Variants in TNFSF11 observed in about 807,000 individuals in gnomAD.
TNFSF11 encodes tumor necrosis factor ligand superfamily member 11.
A neutral mutation model predicts 32.2 loss-of-function variants in TNFSF11; 12 were observed. The ratio of observed to expected loss-of-function variants is 0.37; its 90% CI spans 0.24 to 0.60. The LOEUF is 0.60. Among genes scored for constraint, TNFSF11 ranks in the 20% least tolerant of loss-of-function variants. The pLI is 0.66. For synonymous variants in TNFSF11, 172 were observed against 152.1 expected, an observed-to-expected ratio of 1.13 and a Z score of -0.96; for missense variants, 345 against 398.0, an observed-to-expected ratio of 0.87 and a Z score of 1.13.
At chr13:42,598,012 T>A (rs186194393) in intron 2 of TNFSF11, among the ~76,000 whole-genome samples, 11 of 152,198 alleles carry the variant, frequency 7.2e-5, no homozygotes, top group East Asian at 1.9e-4. Flanking sequence ...CAGCTAATTT[T>A]AAAAAATTAA....
At chr13:42,569,031 G>A (rs1000656051) in intron 2 of TNFSF11, among the ~76,000 whole-genome samples, 2 of 152,120 alleles carry the variant, frequency 1.3e-5, no homozygotes, top group Admixed American at 1.3e-4. Flanking sequence ...GGATGGTAAG[G>A]AACCCAGGGG....
chr13:42,572,008 A>G (rs367912633), upstream of TNFSF11, among the ~76,000 whole-genome samples: 62 of 152,344 alleles, frequency 4.1e-4, no homozygotes, highest in African/African-American at 1.4e-3. Context: ...GAGTTTATCT[A>G]TTAGTTGGGG....
chr13:42,596,081 G>A (rs113621016), intron 2 of TNFSF11, among the ~76,000 whole-genome samples: 2,571 of 152,244 alleles, frequency 0.017, 63 homozygotes, highest in African/African-American at 0.058. Context: ...ATATTAGGGG[G>A]CTATCAAAAG....
intron 2 of TNFSF11, among the ~76,000 whole-genome samples, chr13:42,583,417 T>TAAA (rs71747752): frequency 8.1e-5 from 2 of 24,644 alleles, no homozygotes; most frequent in Non-Finnish European, 1.4e-4. Context: ...AAGACCCTGC[T>TAAA]AAAAAAAAAA....
chr13:42,600,667 G>A, intron 2 of TNFSF11, 85 bp from the exon 3 acceptor site: 2 of 1,392,126 alleles, frequency 1.4e-6, no homozygotes, highest in Middle Eastern at 2.3e-4. Flanking sequence ...GGGTTAATTT[G>A]TTGCATATGT....
intron 1 of TNFSF11, among the ~76,000 whole-genome samples, chr13:42,564,171 A>G (rs1024238278): frequency 6.6e-6 from 1 of 152,096 alleles, no homozygotes; most frequent in African/African-American, 2.4e-5. Context: ...CCACATGCTT[A>G]TTTTTAAAAA....
intron 4 of TNFSF11, among the ~76,000 whole-genome samples, chr13:42,602,531 T>A (rs1315628951): frequency 6.6e-6 from 1 of 152,204 alleles, no homozygotes; most frequent in East Asian, 1.9e-4. Flanking sequence ...ATTCTTTGGC[T>A]TTTAGAGGAT....
chr13:42,565,491 C>A (rs1872838492), intron 1 of TNFSF11, among the ~76,000 whole-genome samples: 1 of 151,974 alleles, frequency 6.6e-6, no homozygotes, highest in Admixed American at 6.6e-5. Flanking sequence ...ATCTCTTATG[C>A]CTACCATAGT....
rs970507560 is a variant in TNFSF11, at chr13:42,606,878, C to A, written c.914C>A (p.Ala305Glu). The A allele has an allele frequency of 1.9e-6, 3 of 1,614,032 alleles. No homozygotes were observed. The highest frequency in any genetic ancestry group is 2.5e-6 in the Non-Finnish European group (3 of 1,180,030). Residue 305 changes from alanine to glutamate, a missense_variant, in exon 5 of 5, where the codon GCA (alanine) becomes GAA (glutamate). By Grantham distance (107) the Ala-to-Glu change is moderately radical. Around this residue, in one of 2 missense-constraint regions of TNFSF11, gnomAD observed 148 missense variants for 216.0 expected, o/e 0.69. Coordinates refer to ENST00000398795, the MANE Select transcript of TNFSF11 (RefSeq NM_003701.4). ...TCCTTACTGGATCCGGATCAGGATG[C>A]AACATACTTTGGGGCTTTTAAAGTT... ...NPSLLDPDQD[A>E]TYFGAFKVRD... is the part of the protein sequence containing the mutation.
At chr13:42,583,077 A>C (rs1287010755) in intron 2 of TNFSF11, among the ~76,000 whole-genome samples, 2 of 152,164 alleles carry the variant, frequency 1.3e-5, no homozygotes, top group African/African-American at 4.8e-5. Flanking sequence ...TGGAAGAATA[A>C]GTATGGAAAA....
In TNFSF11 at chr13:42,574,511, T is replaced by C. The variant is rs544390018; in HGVS notation, c.208T>C (p.Phe70Leu). ...CTGCAGCGTCGCCCTGTTCTTCTAT[T>C]TCAGAGCGCAGGTGAGTGGCCACCT... ...VVCSVALFFYFRAQMDPNRIS... is the reference protein window; with the variant it reads ...VVCSVALFFYLRAQMDPNRIS... The change falls in exon 1 of 5, where the codon TTC becomes CTC. Residue 70 changes from phenylalanine to leucine, a missense_variant. This residue lies in a region of TNFSF11 where 197 missense variants were observed against 182.0 expected (regional missense o/e 1.08). Transcript: ENST00000398795. 5.6e-6 allele frequency: 9 copies of C among 1,608,264 alleles called. No individual in the cohort carries two copies. The East Asian group carries it at 1.8e-4, about 32-fold the overall frequency.
At chr13:42,603,563 C>T (rs2137910396) in intron 4 of TNFSF11, among the ~76,000 whole-genome samples, 1 of 152,264 alleles carries the variant, frequency 6.6e-6, no homozygotes, top group Non-Finnish European at 1.5e-5. Context: ...CCATTCTTTG[C>T]TCAGTTTCCT....
intron 1 of TNFSF11, among the ~76,000 whole-genome samples, chr13:42,564,107 G>A (rs896382589): frequency 1.3e-5 from 2 of 151,802 alleles, no homozygotes; most frequent in African/African-American, 4.8e-5. Context: ...CTGTTATTAA[G>A]TTAATCTAGT....
At chr13:42,595,009 T>C (rs1305858310) in intron 2 of TNFSF11, among the ~76,000 whole-genome samples, 2 of 152,154 alleles carry the variant, frequency 1.3e-5, no homozygotes, top group Non-Finnish European at 2.9e-5. Flanking sequence ...ACAGCAAAGA[T>C]GAAAAGTTAA....
chr13:42,604,127 C>CT (rs1869324304), intron 4 of TNFSF11, among the ~76,000 whole-genome samples: 1 of 152,194 alleles, frequency 6.6e-6, no homozygotes, highest in Non-Finnish European at 1.5e-5. Flanking sequence ...GTAGACTTCT[C>CT]TTCTGTTAAG....
intron 1 of TNFSF11, among the ~76,000 whole-genome samples, chr13:42,563,811 G>A (rs1233019386): frequency 6.6e-6 from 1 of 152,154 alleles, no homozygotes; most frequent in East Asian, 1.9e-4. Flanking sequence ...GCTAGGTGTA[G>A]ATTTCTTTGT....
In TNFSF11 at chr13:42,581,115, C is replaced by G. The variant is rs746816639; in HGVS notation, c.220-11C>G. On this transcript the variant is annotated splice_polypyrimidine_tract_variant and intron_variant, in intron 1 of 4. Transcript: ENST00000398795. ...AAGCACTCTAACGTCCTTACTGTTT[C>G]TCCTCCTCAGATGGATCCTAATAGA... 9.9e-6 allele frequency: 16 copies of G among 1,613,786 alleles called. 1 individual carries two copies. In the South Asian group the frequency reaches 1.8e-4, roughly 18 times the overall value.
At chr13:42,585,520 T>A (rs937596598) in intron 2 of TNFSF11, among the ~76,000 whole-genome samples, 13 of 152,170 alleles carry the variant, frequency 8.5e-5, no homozygotes, top group African/African-American at 3.1e-4. Context: ...CTCTAAGTGA[T>A]CCAACCCTAC....
At chr13:42,581,537 G>A (rs962849013) in intron 2 of TNFSF11, among the ~76,000 whole-genome samples, 2 of 152,090 alleles carry the variant, frequency 1.3e-5, no homozygotes, top group Admixed American at 6.6e-5. Context: ...TAAAGAGGAG[G>A]GATTTAAATT....
Sources: allele counts gnomAD v4.1 joint callset (sites outside exome capture counted in the v4.1 genomes callset), GRCh38; gene constraint gnomAD v4.1.1; regional missense constraint gnomAD v4.1.1; transcripts MANE v1.5; gene names NCBI Gene and HGNC (gene_info 2026-07-23, HGNC 2026-07-21).